Variants in PCNX1 observed in about 807,000 individuals in gnomAD.
PCNX1 encodes pecanex-like protein 1.
In PCNX1, 78 loss-of-function variants were observed where a neutral mutation model predicts 242.2. That is an observed-to-expected ratio of 0.32 (90% CI 0.27 to 0.39). PCNX1 has a LOEUF of 0.39. Among genes scored for constraint, PCNX1 ranks in the 10% least tolerant of loss-of-function variants. The probability of loss-of-function intolerance (pLI) is 1.00; values close to 1 mark genes in which losing one functional copy is unlikely to be tolerated. For synonymous variants in PCNX1, 1,024 were observed against 1,032.9 expected (o/e 0.99, Z 0.17); for missense variants, 2,581 against 2,856.5 (o/e 0.90, Z 2.20).
At chr14:70,945,466 A>G (rs914363447) in intron 1 of PCNX1, among the ~76,000 whole-genome samples, 1 of 152,174 alleles carries the variant, frequency 6.6e-6, no homozygotes, top group African/African-American at 2.4e-5. Flanking sequence ...AAAATAACAA[A>G]TATTTAATAT....
intron 16 of PCNX1, among the ~76,000 whole-genome samples, chr14:71,030,454 G>C (rs1469382223): frequency 6.6e-6 from 1 of 152,066 alleles, no homozygotes; most frequent in Non-Finnish European, 1.5e-5. Flanking sequence ...TTTGGACCAG[G>C]CTGTCTGGCC....
At chr14:70,909,454 A>ATTTGGGT (rs1185490659) in intron 1 of PCNX1, among the ~76,000 whole-genome samples, 1 of 152,178 alleles carries the variant, frequency 6.6e-6, no homozygotes, top group African/African-American at 2.4e-5. Context: ...GAACGGGTTA[A>ATTTGGGT]TTACTTTGGG....
chr14:71,061,464 A>C (rs568289003), intron 26 of PCNX1, among the ~76,000 whole-genome samples: 1 of 152,186 alleles, frequency 6.6e-6, no homozygotes, highest in African/African-American at 2.4e-5. Context: ...CCCGGTATCA[A>C]AGTGGTATTT....
chr14:71,109,601 T>C lies in PCNX1; in HGVS notation c.6885+9T>C. 1.2e-6 allele frequency: 2 copies of C among 1,614,038 alleles called. No homozygotes were observed. The highest frequency in any genetic ancestry group is 1.7e-6 in the Non-Finnish European group (2 of 1,179,926). ...AGGGCATGGAAGGCCATGTAAGTTCTTTTACAAGCTGGCGGTCTGGGGCTC... is the reference window on the plus strand; with the variant it reads ...AGGGCATGGAAGGCCATGTAAGTTCCTTTACAAGCTGGCGGTCTGGGGCTC... On this transcript the variant is annotated intron_variant, in intron 35 of 35. Transcript: ENST00000304743.
intron 1 of PCNX1, among the ~76,000 whole-genome samples, chr14:70,926,766 T>G (rs1049290317): frequency 5.9e-5 from 9 of 152,204 alleles, no homozygotes; most frequent in Non-Finnish European, 1.5e-5. Flanking sequence ...AAAAAAAATC[T>G]TATTCTTTTT....
intron 1 of PCNX1, among the ~76,000 whole-genome samples, chr14:70,944,119 G>T (rs1219760318): frequency 6.6e-6 from 1 of 152,180 alleles, no homozygotes; most frequent in East Asian, 1.9e-4. Context: ...GTCCCCACTG[G>T]GCATGGCCTA....
At chr14:71,073,306 CAAAA>C (rs768990112) in intron 26 of PCNX1, among the ~76,000 whole-genome samples, 3 of 151,956 alleles carry the variant, frequency 2.0e-5, no homozygotes, top group Admixed American at 2.0e-4. Context: ...TCAAAACAAA[CAAAA>C]AAAGCGTAGT....
At chr14:70,932,362 G>C (rs1175533420) in intron 1 of PCNX1, among the ~76,000 whole-genome samples, 1 of 151,898 alleles carries the variant, frequency 6.6e-6, no homozygotes, top group African/African-American at 2.4e-5. Context: ...AAACTTCGGG[G>C]TATCTTTGTG....
At chr14:71,048,425 G>A (rs182504570) in intron 22 of PCNX1, among the ~76,000 whole-genome samples, 1 of 152,202 alleles carries the variant, frequency 6.6e-6, no homozygotes, top group East Asian at 1.9e-4. Flanking sequence ...AACTTTATAG[G>A]CTTCTGCTAA....
chr14:71,084,281 G>A (rs896562883), intron 28 of PCNX1, among the ~76,000 whole-genome samples: 2 of 152,200 alleles, frequency 1.3e-5, no homozygotes, highest in African/African-American at 4.8e-5. Flanking sequence ...TGAGGTGTCT[G>A]TCGACCCCTG....
chr14:70,926,930 G>A (rs2056615681), intron 1 of PCNX1, among the ~76,000 whole-genome samples: 1 of 152,150 alleles, frequency 6.6e-6, no homozygotes, highest in South Asian at 2.1e-4. Flanking sequence ...CTGCATTGGA[G>A]GGAGACAGTA....
In PCNX1 at chr14:70,954,071, C is replaced by T. The variant is rs375491851; in HGVS notation, c.362+6948C>T. ...TTTTGTTTTCACATTTCAATTCTAC[C>T]CAAAGCTATTTAAGTCTGTAGTATC... is the stretch of plus-strand genomic sequence containing the variant. On this transcript the variant is annotated intron_variant, in intron 2 of 35. Transcript: ENST00000304743. Among the ~76,000 whole-genome samples, 549 of 152,280 alleles carry T rather than the reference C, an allele frequency of 3.6e-3. 1 individual carries two copies. Among genetic ancestry groups the T allele is most frequent in the African/African-American group, 0.013 (532 of 41,550 alleles).
At chr14:71,070,522 T>C (rs1365701808) in intron 26 of PCNX1, among the ~76,000 whole-genome samples, 1 of 152,218 alleles carries the variant, frequency 6.6e-6, no homozygotes, top group East Asian at 1.9e-4. Flanking sequence ...GGATGTTGTC[T>C]TAGCAGGCAA....
chr14:70,942,215 G>T (rs1449282409), intron 1 of PCNX1, among the ~76,000 whole-genome samples: 1 of 152,136 alleles, frequency 6.6e-6, no homozygotes, highest in Non-Finnish European at 1.5e-5. Flanking sequence ...CGCTCACGCT[G>T]GGAGCTGTAG....
intron 11 of PCNX1, among the ~76,000 whole-genome samples, chr14:71,017,865 G>C (rs554064650): frequency 1.3e-5 from 2 of 152,282 alleles, no homozygotes; most frequent in African/African-American, 2.4e-5. Context: ...ACTATTAAAT[G>C]TATTAAGTAC....
chr14:71,105,060 A>G (rs1329666614), intron 32 of PCNX1, among the ~76,000 whole-genome samples, 175 bp from the exon 33 acceptor site: 1 of 152,272 alleles, frequency 6.6e-6, no homozygotes, highest in Non-Finnish European at 1.5e-5. Context: ...ATAGTTCTTA[A>G]GCCACTCTTT....
At position 71,026,216 on chromosome 14, in the gene PCNX1, A is replaced by G. The variant is rs138323289; in HGVS notation, c.3283A>G (p.Thr1095Ala). ...LDYGSRNLTA[T>A]KFKLYGITFT... ...TTATGGTAGCAGAAACCTGACTGCA[A>G]CCAAGTTCAAATTATATGGAATAAC... The change falls in exon 14 of 36, where the codon ACC becomes GCC. Residue 1095 changes from threonine to alanine, a missense_variant. This residue lies in a region of PCNX1 where 432 missense variants were observed against 443.1 expected (regional missense o/e 0.97). Transcript: ENST00000304743. 20 of 1,612,068 alleles carry G rather than the reference A, an allele frequency of 1.2e-5. No homozygotes were observed. In the African/African-American group the frequency reaches 1.7e-4, roughly 14 times the overall value.
rs139776513 is a variant in PCNX1 at position 70,977,710 on chromosome 14, C to T, written c.1373C>T (p.Ala458Val). ...AGCAGTGAAAAGATTGCTATGGAAG[C>T]GAGTACCAACAGTGGGGTTCACGAG... is the stretch of plus-strand genomic sequence containing the variant. Reference protein sequence around the residue: ...RTSSEKIAMEASTNSGVHEAK... With the variant: ...RTSSEKIAMEVSTNSGVHEAK... The change falls in exon 6 of 36, where the codon GCG becomes GTG. Residue 458 changes from alanine to valine, a missense_variant. Around this residue, in one of 9 missense-constraint regions of PCNX1, gnomAD observed 1,204 missense variants for 1,216.7 expected, o/e 0.99. Transcript: ENST00000304743. 8.8e-4 allele frequency: 1,413 copies of T among 1,614,036 alleles called. 1 individual carries two copies. Among genetic ancestry groups the T allele is most frequent in the Non-Finnish European group, 1.0e-3 (1,208 of 1,180,002 alleles).
intron 28 of PCNX1, chr14:71,085,793 C>T (rs2061973583): frequency 5.5e-6 from 2 of 366,596 alleles, no homozygotes; most frequent in Non-Finnish European, 1.1e-5. Context: ...CAGCTTCAGC[C>T]CATCCTTAGG....
Sources: allele counts gnomAD v4.1 joint callset (sites outside exome capture counted in the v4.1 genomes callset), GRCh38; gene constraint gnomAD v4.1.1; regional missense constraint gnomAD v4.1.1; transcripts MANE v1.5; gene names NCBI Gene and HGNC (gene_info 2026-07-23, HGNC 2026-07-21).